GDA: variants seen among roughly 807,000 people sequenced by gnomAD.
GDA encodes the protein guanine deaminase.
In GDA, 18 loss-of-function variants were observed where a neutral mutation model predicts 59.6. The observed-to-expected ratio is 0.30, with a 90% CI of 0.21 to 0.45. GDA has a LOEUF of 0.45. Among genes scored for constraint, GDA ranks in the 20% least tolerant of loss-of-function variants. GDA has a pLI of 1.00. For missense variants in GDA, 427 were observed against 552.3 expected (o/e 0.77, Z 2.27); for synonymous variants, 201 against 201.1 (o/e 1.00, Z 0.00).
At chr9:72,215,906 T>C (rs976170857) in intron 5 of GDA, among the ~76,000 whole-genome samples, 1 of 152,360 alleles carries the variant, frequency 6.6e-6, no homozygotes, top group Middle Eastern at 3.4e-3. Context: ...ACATCATTTA[T>C]AGAAGACAAA....
chr9:72,169,890 C>A (rs1212608883), intron 1 of GDA, among the ~76,000 whole-genome samples: 3 of 152,126 alleles, frequency 2.0e-5, no homozygotes, highest in Non-Finnish European at 4.4e-5. Context: ...TTCAATTGCA[C>A]CATATATGAC....
intron 1 of GDA, among the ~76,000 whole-genome samples, chr9:72,188,980 G>A (rs78360869): frequency 1.7e-3 from 257 of 152,192 alleles, no homozygotes; most frequent in African/African-American, 4.8e-3. Context: ...ATTGGAGTCT[G>A]TTACTCTTCT....
At chr9:72,144,452 G>T (rs934990412), upstream of GDA, among the ~76,000 whole-genome samples, 4 of 152,168 alleles carry the variant, frequency 2.6e-5, no homozygotes, top group Non-Finnish European at 5.9e-5. Flanking sequence ...ACTCCTAGAG[G>T]TGGCAGAGAG....
intron 1 of GDA, among the ~76,000 whole-genome samples, chr9:72,125,911 ATTTG>A (rs537407106): frequency 9.9e-5 from 15 of 152,044 alleles, no homozygotes; most frequent in South Asian, 4.2e-4. Flanking sequence ...GGTTCAGGAA[ATTTG>A]TTTGTTTGTT....
intron 1 of GDA, among the ~76,000 whole-genome samples, chr9:72,191,003 A>G (rs910062088): frequency 6.6e-6 from 1 of 152,210 alleles, no homozygotes; most frequent in Non-Finnish European, 1.5e-5. Flanking sequence ...ATTTTAACAT[A>G]AATCGAGTAG....
chr9:72,243,199 C>T (rs1255146979), intron 11 of GDA, among the ~76,000 whole-genome samples: 1 of 152,182 alleles, frequency 6.6e-6, no homozygotes, highest in East Asian at 1.9e-4. Context: ...GGCATCAAAA[C>T]TCTATTTCCT....
downstream of GDA, among the ~76,000 whole-genome samples, chr9:72,252,998 AT>A (rs1840792102): frequency 6.6e-6 from 1 of 152,154 alleles, no homozygotes; most frequent in Admixed American, 6.5e-5. Context: ...TTTTATAAAT[AT>A]TTTTATCAGT....
chr9:72,193,711 G>T (rs1432923982), intron 1 of GDA: 1 of 152,346 alleles, frequency 6.6e-6, no homozygotes, highest in Non-Finnish European at 1.5e-5. Flanking sequence ...AGCCAGGCTT[G>T]TATCCTTCCC....
chr9:72,191,363 A>G (rs113718346), intron 1 of GDA, among the ~76,000 whole-genome samples: 8 of 152,228 alleles, frequency 5.3e-5, no homozygotes, highest in African/African-American at 1.9e-4. Context: ...GTAAAAGACA[A>G]TGGAAATATG....
downstream of GDA, chr9:72,257,635 G>A (rs1840901008): frequency 1.3e-5 from 2 of 152,200 alleles, no homozygotes; most frequent in South Asian, 4.1e-4. Context: ...AGATACTGAG[G>A]ATAGGATTAC....
chr9:72,195,596 GT>G lies in GDA; in HGVS notation c.212+10del. ...AAGAGAACTGAGCCACCAGTAAGTT[GT>G]TACTTCTTCCCTTTTACTGGGTGCC... On this transcript the variant is annotated intron_variant, in intron 2 of 13. Transcript: ENST00000358399. 1 of 1,412,716 alleles carries G rather than the reference GT, an allele frequency of 7.1e-7. No homozygotes were observed. The highest frequency in any genetic ancestry group is 9.8e-7 in the Non-Finnish European group (1 of 1,018,518). 87.5% of individuals were successfully genotyped at this position (1,412,716 alleles called of 1,614,324 possible).
intron 1 of GDA, among the ~76,000 whole-genome samples, chr9:72,183,724 G>T (rs1831546153): frequency 6.6e-6 from 1 of 152,112 alleles, no homozygotes; most frequent in Non-Finnish European, 1.5e-5. Context: ...TTCTTGTGAG[G>T]TTTAAACAAG....
chr9:72,237,822 C>T (rs1339880206), intron 10 of GDA, among the ~76,000 whole-genome samples: 1 of 152,094 alleles, frequency 6.6e-6, no homozygotes, highest in Non-Finnish European at 1.5e-5. Flanking sequence ...TCTTCCCCAG[C>T]ACAATGCCCA....
intron 2 of GDA, among the ~76,000 whole-genome samples, chr9:72,202,257 T>G (rs943766350): frequency 6.6e-6 from 1 of 152,226 alleles, no homozygotes; most frequent in Non-Finnish European, 1.5e-5. Context: ...GTCATGGGAT[T>G]AAATCAGAGT....
intron 1 of GDA, among the ~76,000 whole-genome samples, chr9:72,154,689 G>C (rs1301420641): frequency 1.3e-5 from 2 of 152,192 alleles, no homozygotes; most frequent in African/African-American, 4.8e-5. Flanking sequence ...TAACAGATGA[G>C]GAAGTTGAGA....
At chr9:72,122,774 C>G (rs1825707472) in intron 1 of GDA, among the ~76,000 whole-genome samples, 1 of 152,200 alleles carries the variant, frequency 6.6e-6, no homozygotes, top group South Asian at 2.1e-4. Flanking sequence ...GGTGCCTCCC[C>G]CATGTCTTCA....
intron 1 of GDA, among the ~76,000 whole-genome samples, chr9:72,124,131 C>G (rs140939644): frequency 8.5e-4 from 129 of 152,224 alleles, no homozygotes; most frequent in African/African-American, 3.0e-3. Context: ...GAAGAGAAAA[C>G]ATGGAAAAGA....
chr9:72,224,980 T>C (rs1156714345), intron 7 of GDA, among the ~76,000 whole-genome samples: 1 of 152,118 alleles, frequency 6.6e-6, no homozygotes, highest in Non-Finnish European at 1.5e-5. Flanking sequence ...CACTGAGCTC[T>C]TTTCTTAAAC....
In GDA at chr9:72,161,602, G is replaced by C. The variant is rs116190703; in HGVS notation, c.123+11920G>C. On this transcript the variant is annotated intron_variant, in intron 1 of 13. Coordinates refer to ENST00000358399, the MANE Select transcript of GDA (RefSeq NM_004293.5). ...TTAACTCTGACTATGTTAAGGACTT[G>C]CAATAATGTAGATTATAAAGGCCTG... 7.4e-3 allele frequency among the ~76,000 whole-genome samples: 1,130 copies of C among 152,264 alleles called. 19 individuals carry two copies. The highest frequency in any genetic ancestry group is 0.025 in the African/African-American group (1,045 of 41,556).
Sources: gnomAD v4.1 joint callset for allele counts (sites outside exome capture counted in the v4.1 genomes callset) on GRCh38, gnomAD v4.1.1 for gene constraint, MANE v1.5 for transcripts, NCBI Gene and HGNC (gene_info 2026-07-23, HGNC 2026-07-21) for gene names.